PPP1R37: variants seen among roughly 807,000 people sequenced by gnomAD.
PPP1R37 encodes the protein leucine rich repeat containing 68.
PPP1R37 carries 21 observed loss-of-function variants against 61.0 expected under a neutral mutation model. That is an observed-to-expected ratio of 0.34 (90% CI 0.24 to 0.50). The LOEUF (loss-of-function observed/expected upper bound fraction) is 0.50. Among genes scored for constraint, PPP1R37 ranks in the 20% least tolerant of loss-of-function variants. The pLI is 0.98. For missense variants in PPP1R37, 910 were observed against 952.7 expected, an observed-to-expected ratio of 0.96 and a Z score of 0.59; for synonymous variants, 443 against 433.5, an observed-to-expected ratio of 1.02 and a Z score of -0.27.
In PPP1R37 at chr19:45,116,592, C is replaced by A. The variant is rs75530341; in HGVS notation, c.203-21922C>A. ...GCCATCCCAGCCTCCCCTGAGCAGG[C>A]TAACTTTCCAGGACGCATTGCGGGC... On this transcript the variant is annotated intron_variant, in intron 1 of 12. Transcript: ENST00000221462. 2.8e-3 allele frequency among the ~76,000 whole-genome samples: 419 copies of A among 152,350 alleles called. 14 individuals carry two copies. In the East Asian group the frequency reaches 0.07, roughly 26 times the overall value.
chr19:45,137,167 C>T (rs901437868), intron 1 of PPP1R37, among the ~76,000 whole-genome samples: 1 of 152,208 alleles, frequency 6.6e-6, no homozygotes, highest in Admixed American at 6.5e-5. Context: ...TGACCTCTCC[C>T]TCTTCTGCTC....
chr19:45,115,974 C>CA (rs35020667), intron 1 of PPP1R37, among the ~76,000 whole-genome samples: 9,088 of 128,056 alleles, frequency 0.071, 396 homozygotes, highest in Non-Finnish European at 0.11. Flanking sequence ...GACTCTGTCT[C>CA]AAAAAAAAAA....
chr19:45,103,553 C>T (rs574662569), intron 1 of PPP1R37, among the ~76,000 whole-genome samples: 7 of 149,936 alleles, frequency 4.7e-5, no homozygotes, highest in South Asian at 4.4e-4. Context: ...GAACTGCTCG[C>T]GTCCTGTGCA....
At chr19:45,104,054 A>G (rs183175192) in intron 1 of PPP1R37, among the ~76,000 whole-genome samples, 1 of 151,600 alleles carries the variant, frequency 6.6e-6, no homozygotes, top group East Asian at 1.9e-4. Context: ...CTTCCTGACC[A>G]ATTCCCGTTA....
At chr19:45,099,360 G>A (rs906649321) in intron 1 of PPP1R37, among the ~76,000 whole-genome samples, 4 of 152,206 alleles carry the variant, frequency 2.6e-5, no homozygotes, top group African/African-American at 7.2e-5. Flanking sequence ...CAGCCCACTA[G>A]TAGAAGAGGC....
chr19:45,142,297 C>G lies in PPP1R37; in HGVS notation c.719-6C>G. On this transcript the variant is annotated splice_polypyrimidine_tract_variant and splice_region_variant and intron_variant, in intron 6 of 12. Coordinates refer to ENST00000221462, the MANE Select transcript of PPP1R37 (RefSeq NM_019121.2). Reference sequence around the variant, plus strand: ...CCCAGTCACCGTGCCCCCTCCCCGTCCCCAGCCACGGCCCTGAAGATGAAC... The same window carrying G: ...CCCAGTCACCGTGCCCCCTCCCCGTGCCCAGCCACGGCCCTGAAGATGAAC... 6.5e-7 allele frequency: 1 copy of G among 1,535,842 alleles called. No individual in the cohort carries two copies. The highest frequency in any genetic ancestry group is 1.2e-5 in the South Asian group (1 of 84,052).
intron 1 of PPP1R37, among the ~76,000 whole-genome samples, chr19:45,123,451 A>G (rs930494203): frequency 3.3e-5 from 5 of 152,272 alleles, no homozygotes; most frequent in African/African-American, 1.2e-4. Context: ...CCCTGTCTTG[A>G]AGTTCGAGAA....
intron 1 of PPP1R37, among the ~76,000 whole-genome samples, chr19:45,120,014 CTTTTTTTTT>C (rs11312138): frequency 2.4e-5 from 2 of 83,602 alleles, no homozygotes; most frequent in Non-Finnish European, 2.4e-5. Flanking sequence ...TTTTCCCCTT[CTTTTTTTTT>C]TTTTTTTTTT....
Position 45,142,483 on chromosome 19 carries a change from C to A in PPP1R37, c.874+25C>A, listed in dbSNP as rs1968627102. ...GGTGGGTGCAGTGGCCCACCCCACCCACACCCGTCACCCAGCACCCACTCT... is the reference window on the plus strand; with the variant it reads ...GGTGGGTGCAGTGGCCCACCCCACCAACACCCGTCACCCAGCACCCACTCT... On this transcript the variant is annotated intron_variant, in intron 7 of 12. Coordinates refer to ENST00000221462, the MANE Select transcript of PPP1R37 (RefSeq NM_019121.2). The A allele has an allele frequency of 3.3e-6, 5 of 1,533,714 alleles. No individual in the cohort carries two copies. In the East Asian group the frequency reaches 1.2e-4, roughly 38 times the overall value.
At chr19:45,101,775 A>G (rs745725326) in intron 1 of PPP1R37, among the ~76,000 whole-genome samples, 2 of 152,172 alleles carry the variant, frequency 1.3e-5, no homozygotes, top group Admixed American at 6.5e-5. Flanking sequence ...TGGAGGTGAC[A>G]TGAATAGGGT....
intron 1 of PPP1R37, among the ~76,000 whole-genome samples, chr19:45,099,392 C>T (rs1004966820): frequency 5.3e-5 from 8 of 152,250 alleles, no homozygotes; most frequent in Non-Finnish European, 1.2e-4. Flanking sequence ...CAAGATTCCA[C>T]ACTGGCCATG....
rs1183688857 is a variant in PPP1R37, at chr19:45,145,195, T to C, written c.1231T>C (p.Leu411=). Residue 411 remains leucine, a synonymous_variant, in exon 10 of 13, where the codon TTG becomes CTG. Coordinates refer to ENST00000221462, the MANE Select transcript of PPP1R37 (RefSeq NM_019121.2). ...IKTGGLMALS[L]ALKVNHSLLR... ...GACAGGCGGGCTCATGGCACTGTCG[T>C]TGGCCCTCAAGGTGAACCACTCACT... 38 of 1,534,964 alleles carry C rather than the reference T, an allele frequency of 2.5e-5. No individual in the cohort carries two copies. Among genetic ancestry groups the C allele is most frequent in the Non-Finnish European group, 3.2e-5 (37 of 1,146,494 alleles).
intron 1 of PPP1R37, among the ~76,000 whole-genome samples, chr19:45,103,405 G>A (rs753672005): frequency 1.3e-5 from 2 of 152,218 alleles, no homozygotes; most frequent in Non-Finnish European, 2.9e-5. Context: ...GTGTTCCCTG[G>A]TTAGGTGGGC....
chr19:45,107,409 C>T (rs1373175690), intron 1 of PPP1R37, among the ~76,000 whole-genome samples: 1 of 151,940 alleles, frequency 6.6e-6, no homozygotes, highest in Non-Finnish European at 1.5e-5. Context: ...CGAGACCAGC[C>T]TGGACGACAT....
intron 1 of PPP1R37, among the ~76,000 whole-genome samples, chr19:45,137,844 A>C (rs537699206): frequency 1.2e-4 from 18 of 151,894 alleles, no homozygotes; most frequent in South Asian, 4.2e-4. Flanking sequence ...AAAAAAAAAA[A>C]AAACAAACCA....
At chr19:45,145,061 G>T in intron 9 of PPP1R37, 33 bp from the exon 10 acceptor site, 1 of 1,523,852 alleles carries the variant, frequency 6.6e-7, no homozygotes, top group South Asian at 1.2e-5. Flanking sequence ...CCGGGTGTGG[G>T]GCCCGTGGCC....
At position 45,093,260 on chromosome 19, in the gene PPP1R37, C is replaced by A. The variant is rs1967944551; in HGVS notation, c.-66C>A. 4 of 1,264,618 alleles carry A rather than the reference C, an allele frequency of 3.2e-6. No individual in the cohort carries two copies. The South Asian group carries it at 7.7e-5, about 24-fold the overall frequency. The allele number at this position is 1,264,618 out of a possible 1,614,324, so 78.3% of individuals were successfully genotyped here. On this transcript the variant is annotated 5_prime_UTR_variant, in exon 1 of 13. Coordinates refer to ENST00000221462, the MANE Select transcript of PPP1R37 (RefSeq NM_019121.2). ...CCCATGCCCCGGGACGGCGGGCGGA[C>A]CCGGAGAGACAAATCCGGGGCCCGG...
intron 1 of PPP1R37, among the ~76,000 whole-genome samples, chr19:45,124,791 T>C (rs1297047236): frequency 7.3e-6 from 1 of 137,382 alleles, no homozygotes; most frequent in Non-Finnish European, 1.5e-5. Flanking sequence ...TGAGACCCGG[T>C]CTCTACATAA....
In PPP1R37 at chr19:45,099,925, G is replaced by A. The variant is rs1968041320; in HGVS notation, c.202+6398G>A. 4 of 152,328 alleles carry A rather than the reference G, an allele frequency of 2.6e-5. No individual in the cohort carries two copies. The South Asian group carries it at 8.3e-4, about 32-fold the overall frequency. 9.4% of individuals were successfully genotyped at this position (152,328 alleles called of 1,614,324 possible). On this transcript the variant is annotated intron_variant, in intron 1 of 12. Transcript: ENST00000221462. ...ACTCCCGGAAGAGCACGCGAAGCTG[G>A]CCCCCAGCTGGCACTCGGTAACCAG...
Sources: allele counts gnomAD v4.1 joint callset (sites outside exome capture counted in the v4.1 genomes callset), GRCh38; gene constraint gnomAD v4.1.1; transcripts MANE v1.5; gene names NCBI Gene and HGNC (gene_info 2026-07-23, HGNC 2026-07-21).